The following EPHA4 variants were observed in gnomAD, a reference collection of about 807,000 sequenced individuals.
EPHA4 encodes the protein ephrin type-A receptor 4.
A neutral mutation model predicts 108.3 loss-of-function variants in EPHA4; 19 were observed. That is an observed-to-expected ratio of 0.18 (90% CI 0.12 to 0.26). EPHA4 has a LOEUF of 0.26. Ranked by LOEUF, EPHA4 falls within the 10% of genes least tolerant of loss-of-function variation. The pLI is 1.00. For synonymous variants in EPHA4, 449 were observed against 455.5 expected (o/e 0.99, Z 0.18); for missense variants, 917 against 1,254.0 (o/e 0.73, Z 4.06).
At chr2:221,464,862 T>C (rs1228768067) in intron 5 of EPHA4, among the ~76,000 whole-genome samples, 1 of 152,146 alleles carries the variant, frequency 6.6e-6, no homozygotes, top group East Asian at 1.9e-4. Flanking sequence ...CGGCAAAAGG[T>C]ACAGAAAAAC....
chr2:221,443,351 T>C (rs528341432), intron 10 of EPHA4, 142 bp downstream of exon 10: 27 of 607,676 alleles, frequency 4.4e-5, no homozygotes, highest in Non-Finnish European at 6.5e-5. Context: ...TTATAACACA[T>C]GATATTTTAT....
At chr2:221,568,119 T>TGA (rs1694724465) in intron 2 of EPHA4, among the ~76,000 whole-genome samples, 1 of 152,198 alleles carries the variant, frequency 6.6e-6, no homozygotes, top group African/African-American at 2.4e-5. Context: ...TCCCCAAAGA[T>TGA]TCTTCAAGAT....
intron 3 of EPHA4, among the ~76,000 whole-genome samples, chr2:221,517,433 T>C (rs971191913): frequency 2.0e-5 from 3 of 152,086 alleles, no homozygotes; most frequent in Non-Finnish European, 4.4e-5. Context: ...TTGATACAAA[T>C]TGTCAAAAGA....
intron 5 of EPHA4, among the ~76,000 whole-genome samples, chr2:221,473,095 A>G (rs1210014285): frequency 6.6e-6 from 1 of 152,174 alleles, no homozygotes; most frequent in Non-Finnish European, 1.5e-5. Context: ...GCAAGCGACC[A>G]CACTGACTGG....
At chr2:221,572,735 C>G (rs912734004), upstream of EPHA4, 1 of 152,606 alleles carries the variant, frequency 6.6e-6, no homozygotes, top group Non-Finnish European at 1.5e-5. Context: ...GCGGTTGCTT[C>G]TTTAGGAGAG....
At position 221,572,235 on chromosome 2, in the gene EPHA4, A is replaced by C; in HGVS notation, c.14T>G (p.Phe5Cys). The C allele has an allele frequency of 1.2e-6, 2 of 1,614,146 alleles. No individual in the cohort carries two copies. The highest frequency in any genetic ancestry group is 1.7e-6 in the Non-Finnish European group (2 of 1,179,966). Reference sequence around the variant, plus strand: ...GAGACACGAAAATAGGGCGAAATAGAAAATCCCAGCCATGGTTCGCCGGTG... The same window carrying C: ...GAGACACGAAAATAGGGCGAAATAGCAAATCCCAGCCATGGTTCGCCGGTG... MAGI[F>C]YFALFSCLFG... The change falls in exon 1 of 18, where the codon TTC (phenylalanine) becomes TGC (cysteine). Residue 5 changes from phenylalanine (F) to cysteine (C), a missense_variant. Transcript: ENST00000281821.
chr2:221,448,450 T>C (rs1171164735), intron 8 of EPHA4, among the ~76,000 whole-genome samples: 2 of 152,150 alleles, frequency 1.3e-5, no homozygotes, highest in African/African-American at 4.8e-5. Flanking sequence ...GCTCTTAAAA[T>C]CCATTGCTTC....
chr2:221,504,977 G>T (rs1259686076), intron 3 of EPHA4, among the ~76,000 whole-genome samples: 1 of 152,074 alleles, frequency 6.6e-6, no homozygotes, highest in African/African-American at 2.4e-5. Context: ...TAAGGATCTG[G>T]GCTGGTCCCA....
chr2:221,464,738 C>T (rs928898205), intron 5 of EPHA4, among the ~76,000 whole-genome samples: 2 of 152,134 alleles, frequency 1.3e-5, no homozygotes, highest in East Asian at 3.9e-4. Context: ...CCTCGCTGGA[C>T]TCATCATCAA....
At chr2:221,567,613 C>G (rs1694713546) in intron 2 of EPHA4, among the ~76,000 whole-genome samples, 1 of 152,218 alleles carries the variant, frequency 6.6e-6, no homozygotes, top group Non-Finnish European at 1.5e-5. Context: ...AGGTGGATTA[C>G]AAAATCTGTT....
intron 4 of EPHA4, among the ~76,000 whole-genome samples, chr2:221,483,500 TTGTGTGTGTGTGTGTG>T (rs58143142): frequency 7.0e-6 from 1 of 143,708 alleles, no homozygotes; most frequent in Non-Finnish European, 1.5e-5. Flanking sequence ...TGATGTAGAT[TTGTGTGTGTGTGTGTG>T]TGTGTGTGTG....
chr2:221,569,839 C>T (rs1156302585), intron 1 of EPHA4, among the ~76,000 whole-genome samples: 1 of 152,138 alleles, frequency 6.6e-6, no homozygotes, highest in African/African-American at 2.4e-5. Flanking sequence ...GCCCACTTTC[C>T]CTCTCATTTC....
chr2:221,554,896 C>A (rs1694260803), intron 3 of EPHA4, among the ~76,000 whole-genome samples: 1 of 152,252 alleles, frequency 6.6e-6, no homozygotes, highest in Non-Finnish European at 1.5e-5. Flanking sequence ...TCTGACAATT[C>A]TTTTTCAAAG....
At chr2:221,437,245 C>T (rs1231072212) in intron 11 of EPHA4, 123 bp from the exon 12 acceptor site, 24 of 672,682 alleles carry the variant, frequency 3.6e-5, no homozygotes, top group Non-Finnish European at 6.1e-5. Flanking sequence ...TTAATTAAAA[C>T]AAGCCAAGCT....
intron 15 of EPHA4, among the ~76,000 whole-genome samples, chr2:221,427,193 A>G (rs1191135958): frequency 6.6e-6 from 1 of 152,102 alleles, no homozygotes; most frequent in Non-Finnish European, 1.5e-5. Flanking sequence ...TCTTTAATCA[A>G]TCCATGCCTG....
chr2:221,570,587 TG>T (rs1270207976), intron 1 of EPHA4, among the ~76,000 whole-genome samples: 2 of 152,102 alleles, frequency 1.3e-5, no homozygotes, highest in Admixed American at 1.3e-4. Context: ...GCGATGTCTG[TG>T]GGCAGGTGTA....
At chr2:221,523,507 G>A (rs1693235039) in intron 3 of EPHA4, among the ~76,000 whole-genome samples, 1 of 151,990 alleles carries the variant, frequency 6.6e-6, no homozygotes, top group South Asian at 2.1e-4. Context: ...GGCTGGTCTT[G>A]AACTCCCAAC....
At chr2:221,495,369 C>T (rs1468698834) in intron 4 of EPHA4, among the ~76,000 whole-genome samples, 3 of 152,170 alleles carry the variant, frequency 2.0e-5, no homozygotes, top group Non-Finnish European at 4.4e-5. Context: ...GAATCTAAAT[C>T]CTTGCTGCCT....
At chr2:221,444,266 A>G (rs1455399978) in intron 9 of EPHA4, among the ~76,000 whole-genome samples, 1 of 152,216 alleles carries the variant, frequency 6.6e-6, no homozygotes, top group Non-Finnish European at 1.5e-5. Flanking sequence ...GACATCAGGA[A>G]GTATGATTCA....
Sources: allele counts gnomAD v4.1 joint callset (sites outside exome capture counted in the v4.1 genomes callset), GRCh38; gene constraint gnomAD v4.1.1; transcripts MANE v1.5; gene names NCBI Gene and HGNC (gene_info 2026-07-23, HGNC 2026-07-21).